The following KCNQ1 variants were observed in gnomAD, a reference collection of about 807,000 sequenced individuals.
KCNQ1 encodes potassium voltage-gated channel subfamily Q member 1, also known as potassium voltage-gated channel subfamily KQT member 1.
KCNQ1 carries 49 observed loss-of-function variants against 72.4 expected under a neutral mutation model. The observed-to-expected ratio is 0.68, with a 90% CI of 0.54 to 0.86. KCNQ1 has a LOEUF of 0.86. KCNQ1 is among the 40% of genes least tolerant of loss of function. The probability of loss-of-function intolerance (pLI) is 0.00; values close to 1 mark genes in which losing one functional copy is unlikely to be tolerated. For missense variants in KCNQ1, 790 were observed against 945.1 expected (o/e 0.84, Z 2.15); for synonymous variants, 450 against 412.6 (o/e 1.09, Z -1.10).
chr11:2,805,629 G>C (rs1045116325), intron 15 of KCNQ1, among the ~76,000 whole-genome samples: 2 of 152,230 alleles, frequency 1.3e-5, no homozygotes, highest in Non-Finnish European at 2.9e-5. Flanking sequence ...TTGTAACAGA[G>C]ATCGTGTGAC....
chr11:2,595,820 A>G lies in KCNQ1; in HGVS notation c.1393+6966A>G, dbSNP rs1407249618. Among the ~76,000 whole-genome samples the G allele has an allele frequency of 6.6e-6, 1 of 152,242 alleles. No homozygotes were observed. The highest frequency in any genetic ancestry group is 1.5e-5 in the Non-Finnish European group (1 of 68,046). Reference sequence around the variant, plus strand: ...TACATTTTATAAGGCTATAGCGGCCATAGATAGCGATTGCTTTGATGAATC... The same window carrying G: ...TACATTTTATAAGGCTATAGCGGCCGTAGATAGCGATTGCTTTGATGAATC... On this transcript the variant is annotated intron_variant, in intron 10 of 15. Coordinates refer to ENST00000155840, the MANE Select transcript of KCNQ1 (RefSeq NM_000218.3). This position sits in a 1 kb window ranked among gnomAD's most constrained non-coding sequence, Gnocchi z 5.0.
At position 2,768,466 on chromosome 11, in the gene KCNQ1, A is replaced by G. The variant is rs1420381336; in HGVS notation, c.1515-378A>G. 6.6e-6 allele frequency among the ~76,000 whole-genome samples: 1 copy of G among 152,080 alleles called. No homozygotes were observed. The highest frequency in any genetic ancestry group is 2.4e-5 in the African/African-American group (1 of 41,418). On this transcript the variant is annotated intron_variant, in intron 11 of 15. Transcript: ENST00000155840. This position sits in a 1 kb window ranked among gnomAD's most constrained non-coding sequence, Gnocchi z 6.7. ...GGGCATCGCCAGCATGTACCCTCTT[A>G]TCCCATTTGCTGACAAGGATCCTGA...
rs7108469 is a variant in KCNQ1 at position 2,704,959 on chromosome 11, G to C, written c.1514+42878G>C. ...TGCAGTGACAACTCTGTGGCTCTGG[G>C]GCACTGTCACCCTGTGGCATGGCCT... On this transcript the variant is annotated intron_variant, in intron 11 of 15. Coordinates refer to ENST00000155840, the MANE Select transcript of KCNQ1 (RefSeq NM_000218.3). The surrounding 1 kb of genome is among the most constrained non-coding windows in gnomAD (Gnocchi z 4.3). Among the ~76,000 whole-genome samples, 950 of 152,224 alleles carry C rather than the reference G, an allele frequency of 6.2e-3. 8 individuals are homozygous for C. Among genetic ancestry groups the C allele is most frequent in the African/African-American group, 0.022 (914 of 41,522 alleles).
At chr11:2,618,633 C>T (rs1263775250) in intron 10 of KCNQ1, 3 of 398,374 alleles carry the variant, frequency 7.5e-6, no homozygotes, top group Admixed American at 4.4e-5. Flanking sequence ...TATGAAGTCT[C>T]CCTTTGTTTT....
rs1850025121 is a variant in KCNQ1, at chr11:2,664,391, C to G, written c.1514+2310C>G. The G allele has an allele frequency of 7.5e-6, 3 of 398,630 alleles. No homozygotes were observed. Among genetic ancestry groups the G allele is most frequent in the Non-Finnish European group, 1.3e-5 (3 of 226,184 alleles). The allele number at this position is 398,630 out of a possible 1,614,324, so 24.7% of individuals were successfully genotyped here. A position where few individuals can be genotyped will look rare whatever the true frequency, so the allele number is the denominator to read the frequency against. On this transcript the variant is annotated intron_variant, in intron 11 of 15. Coordinates refer to ENST00000155840, the MANE Select transcript of KCNQ1 (RefSeq NM_000218.3). The surrounding 1 kb of genome is among the most constrained non-coding windows in gnomAD (Gnocchi z 5.1). Reference sequence around the variant, plus strand: ...TCAGGGTACGGTCCCTCCAGAGAGGCCTGAAGGGGAGAGTGGGCACGTACA... The same window carrying G: ...TCAGGGTACGGTCCCTCCAGAGAGGGCTGAAGGGGAGAGTGGGCACGTACA...
At position 2,659,690 on chromosome 11, in the gene KCNQ1, C is replaced by T; in HGVS notation, c.1394-2271C>T. 5.0e-6 allele frequency: 2 copies of T among 398,516 alleles called. No homozygotes were observed. Among genetic ancestry groups the T allele is most frequent in the Admixed American group, 4.4e-5 (1 of 22,736 alleles). 24.7% of individuals were successfully genotyped at this position (398,516 alleles called of 1,614,324 possible). A position where few individuals can be genotyped will look rare whatever the true frequency, so the allele number is the denominator to read the frequency against. ...ATTGCTAAACTATTTCCTAAAGTCACTGTGCCATTTTGCATTCCCACCAGT... is the reference window on the plus strand; with the variant it reads ...ATTGCTAAACTATTTCCTAAAGTCATTGTGCCATTTTGCATTCCCACCAGT... On this transcript the variant is annotated intron_variant, in intron 10 of 15. Transcript: ENST00000155840. This position sits in a 1 kb window ranked among gnomAD's most constrained non-coding sequence, Gnocchi z 4.3.
intron 2 of KCNQ1, among the ~76,000 whole-genome samples, chr11:2,561,231 A>AG (rs1848162291): frequency 6.6e-6 from 1 of 151,918 alleles, no homozygotes; most frequent in Non-Finnish European, 1.5e-5. Context: ...AAAGAAAAAA[A>AG]AGGAACTCCC....
chr11:2,552,079 G>C (rs1344674353), intron 2 of KCNQ1, among the ~76,000 whole-genome samples: 1 of 150,918 alleles, frequency 6.6e-6, no homozygotes, highest in Non-Finnish European at 1.5e-5. Flanking sequence ...AAGAGCAGCA[G>C]TTTTTAATTT....
Position 2,624,787 on chromosome 11 carries a change from T to G in KCNQ1, c.1393+35933T>G. 1 of 398,594 alleles carries G rather than the reference T, an allele frequency of 2.5e-6. No homozygotes were observed. The highest frequency in any genetic ancestry group is 4.4e-6 in the Non-Finnish European group (1 of 226,054). 24.7% of individuals were successfully genotyped at this position (398,594 alleles called of 1,614,324 possible). A position where few individuals can be genotyped will look rare whatever the true frequency, so the allele number is the denominator to read the frequency against. On this transcript the variant is annotated intron_variant, in intron 10 of 15. Coordinates refer to ENST00000155840, the MANE Select transcript of KCNQ1 (RefSeq NM_000218.3). This position sits in a 1 kb window ranked among gnomAD's most constrained non-coding sequence, Gnocchi z 4.9. ...CTTGGAAACCACCTTGTACTTTCTA[T>G]GTCTCTGATTTGACTATTCTACATA...
chr11:2,533,802 G>A (rs1347093883), intron 2 of KCNQ1, among the ~76,000 whole-genome samples: 4 of 152,198 alleles, frequency 2.6e-5, no homozygotes, highest in African/African-American at 9.7e-5. Context: ...TTTGTCTCCA[G>A]GATCACAGCT....
At chr11:2,632,072 A>T (rs1452799559) in intron 10 of KCNQ1, 1 of 395,336 alleles carries the variant, frequency 2.5e-6, no homozygotes, top group African/African-American at 2.1e-5. Flanking sequence ...AGTCCCAGCT[A>T]CTTGGGAGGC....
At position 2,723,137 on chromosome 11, in the gene KCNQ1, C is replaced by A. The variant is rs945086439; in HGVS notation, c.1515-45707C>A. The stretch of plus-strand genomic sequence containing the variant: ...GGCTCCGCCTTCCTCTGTGGCTCTG[C>A]CTTCCTCTTGGCTCCGCCTTCCTCC... On this transcript the variant is annotated intron_variant, in intron 11 of 15. Coordinates refer to ENST00000155840, the MANE Select transcript of KCNQ1 (RefSeq NM_000218.3). The surrounding 1 kb of genome is among the most constrained non-coding windows in gnomAD (Gnocchi z 4.2). Among the ~76,000 whole-genome samples, 1 of 152,222 alleles carries A rather than the reference C, an allele frequency of 6.6e-6. No individual in the cohort carries two copies. Among genetic ancestry groups the A allele is most frequent in the Non-Finnish European group, 1.5e-5 (1 of 68,038 alleles).
At position 2,772,320 on chromosome 11, in the gene KCNQ1, C is replaced by G. The variant is rs1432479197; in HGVS notation, c.1590+3401C>G. ...TGCTGGCTGATAAGTCCTTGGCCAA[C>G]CACCCCTGTGTCTGGCCCAAGGAGC... On this transcript the variant is annotated intron_variant, in intron 12 of 15. Coordinates refer to ENST00000155840, the MANE Select transcript of KCNQ1 (RefSeq NM_000218.3). This position sits in a 1 kb window ranked among gnomAD's most constrained non-coding sequence, Gnocchi z 6.6. Among the ~76,000 whole-genome samples, 4 of 152,258 alleles carry G rather than the reference C, an allele frequency of 2.6e-5. No individual in the cohort carries two copies. The highest frequency in any genetic ancestry group is 9.6e-5 in the African/African-American group (4 of 41,552).
rs1187819029 is a variant in KCNQ1, at chr11:2,661,870, C to T, written c.1394-91C>T. ...GCTTCCAGGCACAAGCTCCACTCCTCACCTGGCCCTGGGAGCTCACAGGCC... is the reference window on the plus strand; with the variant it reads ...GCTTCCAGGCACAAGCTCCACTCCTTACCTGGCCCTGGGAGCTCACAGGCC... On this transcript the variant is annotated intron_variant, in intron 10 of 15. Transcript: ENST00000155840. This position sits in a 1 kb window ranked among gnomAD's most constrained non-coding sequence, Gnocchi z 5.9. 1 of 1,533,608 alleles carries T rather than the reference C, an allele frequency of 6.5e-7. No homozygotes were observed. The highest frequency in any genetic ancestry group is 1.1e-5 in the South Asian group (1 of 89,378).
At chr11:2,667,656 G>A in intron 11 of KCNQ1, 1 of 398,634 alleles carries the variant, frequency 2.5e-6, no homozygotes, top group Non-Finnish European at 4.4e-6. Context: ...AGGGGAGATT[G>A]AACTGCAGAG....
At chr11:2,756,981 A>AAAAAAAAAAAAAAAC (rs58902386) in intron 11 of KCNQ1, among the ~76,000 whole-genome samples, 2 of 115,178 alleles carry the variant, frequency 1.7e-5, no homozygotes, top group Non-Finnish European at 3.5e-5. Flanking sequence ...AAAAAAAAAA[A>AAAAAAAAAAAAAAAC]CCCACAGCTA....
At chr11:2,577,309 G>A (rs949965067) in intron 6 of KCNQ1, among the ~76,000 whole-genome samples, 8 of 152,210 alleles carry the variant, frequency 5.3e-5, no homozygotes, top group Admixed American at 1.3e-4. Flanking sequence ...GTGGCCATGG[G>A]AAGCACCGCC....
intron 2 of KCNQ1, among the ~76,000 whole-genome samples, chr11:2,533,214 C>G (rs531552240): frequency 6.6e-6 from 1 of 152,192 alleles, no homozygotes; most frequent in East Asian, 1.9e-4. Context: ...GCTGTTATCT[C>G]AGCACTGCTA....
At position 2,671,413 on chromosome 11, in the gene KCNQ1, G is replaced by A; in HGVS notation, c.1514+9332G>A. ...ATGCCTCTCCCAGGGTACTCTGGAT[G>A]TGCACCCAGAGATTCTCCCACTTTA... On this transcript the variant is annotated intron_variant, in intron 11 of 15. Transcript: ENST00000155840. This position sits in a 1 kb window ranked among gnomAD's most constrained non-coding sequence, Gnocchi z 4.7. The A allele has an allele frequency of 2.5e-6, 1 of 398,614 alleles. No homozygotes were observed. Among genetic ancestry groups the A allele is most frequent in the East Asian group, 3.6e-5 (1 of 28,072 alleles). 24.7% of individuals were successfully genotyped at this position (398,614 alleles called of 1,614,324 possible).
Sources: gnomAD v4.1 joint callset for allele counts (sites outside exome capture counted in the v4.1 genomes callset) on GRCh38, gnomAD v4.1.1 for gene constraint, Gnocchi (gnomAD v3.1) non-coding constraint, MANE v1.5 for transcripts, NCBI Gene and HGNC (gene_info 2026-07-23, HGNC 2026-07-21) for gene names.